The following ERICH1 variants were observed in gnomAD, a reference collection of about 807,000 sequenced individuals.
ERICH1 encodes glutamate rich 1.
A neutral mutation model predicts 39.6 loss-of-function variants in ERICH1; 56 were observed. The observed-to-expected ratio is 1.41, with a 90% CI of 1.14 to 1.77. ERICH1 has a LOEUF of 1.77. ERICH1 is among the 40% of genes most tolerant of loss of function. ERICH1 has a pLI of 0.00. For missense variants in ERICH1, 826 were observed against 575.4 expected, an observed-to-expected ratio of 1.44 and a Z score of -4.45; for synonymous variants, 313 against 223.6, an observed-to-expected ratio of 1.40 and a Z score of -3.57.
At chr8:685,044 C>G (rs566011323) in intron 3 of ERICH1, among the ~76,000 whole-genome samples, 10 of 152,330 alleles carry the variant, frequency 6.6e-5, no homozygotes, top group African/African-American at 2.4e-4. Flanking sequence ...ATTCACCAGG[C>G]TGGAATCTCC....
At chr8:655,546 C>G (rs984944276) in intron 3 of ERICH1, among the ~76,000 whole-genome samples, 3 of 152,156 alleles carry the variant, frequency 2.0e-5, no homozygotes, top group Non-Finnish European at 4.4e-5. Context: ...TTGCTGGGAC[C>G]CAGGGGCCGA....
At chr8:643,211 G>A (rs1032460761) in intron 3 of ERICH1, among the ~76,000 whole-genome samples, 1 of 152,222 alleles carries the variant, frequency 6.6e-6, no homozygotes, top group Non-Finnish European at 1.5e-5. Context: ...CATTGCATGC[G>A]ATTCCTGCGA....
chr8:627,731 T>C (rs930581569), intron 3 of ERICH1, among the ~76,000 whole-genome samples: 12 of 152,194 alleles, frequency 7.9e-5, no homozygotes, highest in Admixed American at 2.0e-4. Flanking sequence ...GAGAGTTCCA[T>C]GTTCAGCCGC....
At chr8:634,182 AAAAAC>A (rs1234074894) in intron 3 of ERICH1, among the ~76,000 whole-genome samples, 42 of 141,244 alleles carry the variant, frequency 3.0e-4, no homozygotes, top group African/African-American at 1.1e-3. Flanking sequence ...AAAAAAAAAA[AAAAAC>A]AAACAAAAAA....
intron 4 of ERICH1, 97 bp from the exon 5 acceptor site, chr8:668,889 G>T: frequency 9.3e-7 from 1 of 1,075,450 alleles, no homozygotes; most frequent in Non-Finnish European, 1.3e-6. Context: ...TCAAACCTAC[G>T]CTTCCACACA....
chr8:712,235 G>A (rs1427689882), intron 2 of ERICH1, among the ~76,000 whole-genome samples: 1 of 152,160 alleles, frequency 6.6e-6, no homozygotes, highest in Non-Finnish European at 1.5e-5. Context: ...ATCAAGTTAG[G>A]AAGAATGAGT....
chr8:718,255 C>T (rs993080659), intron 1 of ERICH1, among the ~76,000 whole-genome samples: 1 of 151,352 alleles, frequency 6.6e-6, no homozygotes, highest in African/African-American at 2.4e-5. Context: ...ACGGAGAAAC[C>T]GCACAACACA....
intron 3 of ERICH1, chr8:686,608 A>C (rs548527631): frequency 5.2e-5 from 8 of 152,404 alleles, no homozygotes; most frequent in Admixed American, 4.6e-4. Flanking sequence ...GAGATGCCAA[A>C]GACACAAAAA....
intron 3 of ERICH1, among the ~76,000 whole-genome samples, chr8:632,224 A>G (rs762817387): frequency 6.6e-6 from 1 of 151,942 alleles, no homozygotes; most frequent in Admixed American, 6.6e-5. Context: ...TCATTTTTCT[A>G]TTGTGTGTCG....
chr8:699,921 CCGCACAGG>C (rs1811448269), intron 2 of ERICH1, among the ~76,000 whole-genome samples: 3 of 127,494 alleles, frequency 2.4e-5, no homozygotes, highest in South Asian at 2.6e-4. Context: ...GCGCACAGGC[CCGCACAGG>C]CGCACAGACC....
intron 5 of ERICH1, chr8:668,136 G>GTGTAGAT: frequency 1.3e-5 from 3 of 237,676 alleles, no homozygotes; most frequent in East Asian, 1.1e-4. Flanking sequence ...GAAGACATGA[G>GTGTAGAT]CACAGCTGCT....
chr8:699,333 C>G (rs2132155930), intron 2 of ERICH1, among the ~76,000 whole-genome samples: 1 of 152,270 alleles, frequency 6.6e-6, no homozygotes, highest in East Asian at 1.9e-4. Flanking sequence ...GAGTGGACGC[C>G]ACCCCCGATT....
At chr8:709,573 A>G (rs776354299) in intron 2 of ERICH1, among the ~76,000 whole-genome samples, 5 of 152,226 alleles carry the variant, frequency 3.3e-5, no homozygotes, top group Non-Finnish European at 5.9e-5. Flanking sequence ...TTTGACTTTT[A>G]ATTCAACATC....
At chr8:619,853 T>C (rs1294461410) in intron 3 of ERICH1, among the ~76,000 whole-genome samples, 1 of 152,110 alleles carries the variant, frequency 6.6e-6, no homozygotes, top group Non-Finnish European at 1.5e-5. Context: ...AAATCTAAAA[T>C]AAAATTTGAT....
intron 3 of ERICH1, among the ~76,000 whole-genome samples, chr8:650,147 C>G (rs1022094236): frequency 6.6e-6 from 1 of 152,218 alleles, no homozygotes; most frequent in Non-Finnish European, 1.5e-5. Flanking sequence ...GAGCTGAGGG[C>G]GCTTGCGTGT....
chr8:715,228 G>C (rs771238066), intron 2 of ERICH1, among the ~76,000 whole-genome samples: 9 of 152,154 alleles, frequency 5.9e-5, no homozygotes, highest in Non-Finnish European at 1.2e-4. Context: ...TCTCTCAGTA[G>C]GATGTGCCGC....
chr8:671,135 G>GC (rs370023978), intron 4 of ERICH1, among the ~76,000 whole-genome samples: 10 of 150,294 alleles, frequency 6.7e-5, no homozygotes, highest in Middle Eastern at 3.3e-3. Context: ...CTCTGAACGT[G>GC]CCAGCCCCGG....
At chr8:637,793 A>T (rs1454461956) in intron 3 of ERICH1, among the ~76,000 whole-genome samples, 1 of 152,174 alleles carries the variant, frequency 6.6e-6, no homozygotes, top group South Asian at 2.1e-4. Context: ...AGCAGCCGGG[A>T]GTCAAACAGT....
rs529798264 is a variant in ERICH1, at chr8:668,139, C to T, written c.1258+459G>A. On this transcript the variant is annotated intron_variant, in intron 5 of 5. Transcript: ENST00000262109. ...ACACGGCATTGGGAAGACATGAGCA[C>T]AGCTGCTCCAGCACACAACAGTTTG... is the stretch of plus-strand genomic sequence containing the variant. 1.7e-5 allele frequency: 4 copies of T among 240,984 alleles called. No individual in the cohort carries two copies. In the South Asian group the frequency reaches 2.2e-4, roughly 13 times the overall value. 14.9% of individuals were successfully genotyped at this position (240,984 alleles called of 1,614,324 possible). A position where few individuals can be genotyped will look rare whatever the true frequency, so the allele number is the denominator to read the frequency against.
Sources: allele counts gnomAD v4.1 joint callset (sites outside exome capture counted in the v4.1 genomes callset), GRCh38; gene constraint gnomAD v4.1.1; transcripts MANE v1.5; gene names NCBI Gene and HGNC (gene_info 2026-07-23, HGNC 2026-07-21).